Variants in NRXN3 observed in about 807,000 individuals in gnomAD.
The protein encoded by NRXN3 is neurexin III.
In NRXN3, 32 loss-of-function variants were observed where a neutral mutation model predicts 137.6. The observed-to-expected ratio is 0.23, with a 90% CI of 0.18 to 0.31. The LOEUF (loss-of-function observed/expected upper bound fraction) is 0.31, where lower values mean the gene tolerates loss of function less well. Ranked by LOEUF, NRXN3 falls within the 10% of genes least tolerant of loss-of-function variation. The probability of loss-of-function intolerance (pLI) is 1.00; values close to 1 mark genes in which losing one functional copy is unlikely to be tolerated. For synonymous variants in NRXN3, 798 were observed against 784.5 expected (o/e 1.02, Z -0.29); for missense variants, 1,574 against 2,062.5 (o/e 0.76, Z 4.59).
intron 1 of NRXN3, among the ~76,000 whole-genome samples, chr14:78,206,207 T>G (rs1324343685): frequency 6.6e-6 from 1 of 152,198 alleles, no homozygotes; most frequent in Non-Finnish European, 1.5e-5. Context: ...TGGAGGAGTT[T>G]CTCTATGTAC....
intron 6 of NRXN3, among the ~76,000 whole-genome samples, chr14:78,696,897 C>T (rs2098231493): frequency 6.6e-6 from 1 of 152,072 alleles, no homozygotes; most frequent in Non-Finnish European, 1.5e-5. Flanking sequence ...CCACTGTCAC[C>T]ATCACCCACA....
intron 4 of NRXN3, among the ~76,000 whole-genome samples, chr14:78,383,283 T>A (rs959054003): frequency 6.6e-6 from 1 of 152,138 alleles, no homozygotes; most frequent in Non-Finnish European, 1.5e-5. Flanking sequence ...CCTCTGGCCA[T>A]GCTCATTTCG....
At chr14:79,173,331 A>G (rs1193866789) in intron 15 of NRXN3, among the ~76,000 whole-genome samples, 1 of 151,914 alleles carries the variant, frequency 6.6e-6, no homozygotes, top group Non-Finnish European at 1.5e-5. Flanking sequence ...GGAGTTGGAG[A>G]CCAGCCTGGG....
intron 1 of NRXN3, among the ~76,000 whole-genome samples, chr14:78,192,545 T>A (rs1018193554): frequency 6.6e-5 from 10 of 151,762 alleles, no homozygotes; most frequent in African/African-American, 2.4e-4. Context: ...GGAGATGGAG[T>A]AGGGGTAGCA....
At chr14:78,317,742 A>G (rs1202539059) in intron 4 of NRXN3, among the ~76,000 whole-genome samples, 3 of 152,210 alleles carry the variant, frequency 2.0e-5, no homozygotes. Flanking sequence ...ACTGGGACTC[A>G]GTTAAGTTGA....
intron 20 of NRXN3, among the ~76,000 whole-genome samples, chr14:79,840,206 G>A (rs367679708): frequency 6.6e-6 from 1 of 152,108 alleles, no homozygotes; most frequent in East Asian, 1.9e-4. Context: ...GGTAAAAAGA[G>A]CAAACATAAT....
At chr14:79,717,208 C>T (rs1412625015) in intron 19 of NRXN3, among the ~76,000 whole-genome samples, 1 of 152,168 alleles carries the variant, frequency 6.6e-6, no homozygotes, top group Non-Finnish European at 1.5e-5. Flanking sequence ...CTCTTAGCTG[C>T]AATCTCTTCC....
chr14:79,396,368 C>T (rs1435916122), intron 15 of NRXN3, among the ~76,000 whole-genome samples: 1 of 151,748 alleles, frequency 6.6e-6, no homozygotes, highest in Non-Finnish European at 1.5e-5. Flanking sequence ...CAAATATATG[C>T]TTTATAGAGC....
At chr14:78,876,303 G>C (rs2099113696) in intron 10 of NRXN3, among the ~76,000 whole-genome samples, 1 of 152,162 alleles carries the variant, frequency 6.6e-6, no homozygotes, top group Non-Finnish European at 1.5e-5. Context: ...TAACTTGAAA[G>C]CTAAATGTCA....
chr14:78,234,170 T>C (rs950597095), intron 1 of NRXN3, among the ~76,000 whole-genome samples: 11 of 152,220 alleles, frequency 7.2e-5, no homozygotes, highest in African/African-American at 2.7e-4. Context: ...TCTCCAGCCA[T>C]GAGTCCATTA....
At chr14:79,332,269 G>A (rs915845222) in intron 15 of NRXN3, among the ~76,000 whole-genome samples, 1 of 152,130 alleles carries the variant, frequency 6.6e-6, no homozygotes, top group African/African-American at 2.4e-5. Context: ...GTAATGAAAG[G>A]CTTCTAACTG....
At position 78,613,391 on chromosome 14, in the gene NRXN3, A is replaced by G. The variant is rs145234087; in HGVS notation, c.758-31729A>G. 1.2e-3 allele frequency among the ~76,000 whole-genome samples: 180 copies of G among 152,278 alleles called. 5 individuals carry two copies. In the East Asian group the frequency reaches 0.028, roughly 24 times the overall value. On this transcript the variant is annotated intron_variant, in intron 4 of 20. Coordinates refer to ENST00000335750, the MANE Select transcript of NRXN3 (RefSeq NM_001330195.2). ...TAAAATTAGATTTTGTATTAAGAAG[A>G]CTGTTCAGAAATTATCCCCATTATC...
chr14:79,453,537 T>C (rs1298279315), intron 15 of NRXN3, among the ~76,000 whole-genome samples: 1 of 152,170 alleles, frequency 6.6e-6, no homozygotes, highest in Non-Finnish European at 1.5e-5. Context: ...GTCTTCCAAA[T>C]ACTAAATATT....
intron 4 of NRXN3, among the ~76,000 whole-genome samples, chr14:78,323,049 A>G (rs983531749): frequency 6.6e-6 from 1 of 152,050 alleles, no homozygotes; most frequent in South Asian, 2.1e-4. Context: ...GCTTGATGTT[A>G]TAGGAGAGGA....
chr14:78,544,868 G>C (rs747673958), intron 4 of NRXN3, among the ~76,000 whole-genome samples: 6 of 152,200 alleles, frequency 3.9e-5, no homozygotes, highest in Non-Finnish European at 8.8e-5. Flanking sequence ...CATGGGTAGA[G>C]GTGGCAACAG....
intron 15 of NRXN3, among the ~76,000 whole-genome samples, chr14:79,261,574 G>A (rs1217625394): frequency 7.4e-6 from 1 of 135,810 alleles, no homozygotes; most frequent in Non-Finnish European, 1.5e-5. Context: ...TGGTGAGTGA[G>A]ATGAAATCCC....
At chr14:78,423,947 A>T (rs913642609) in intron 4 of NRXN3, among the ~76,000 whole-genome samples, 1 of 152,070 alleles carries the variant, frequency 6.6e-6, no homozygotes, top group Non-Finnish European at 1.5e-5. Context: ...GTCTGCAAAA[A>T]CTCCAGGCTA....
chr14:78,952,755 T>C (rs550169184), intron 10 of NRXN3, among the ~76,000 whole-genome samples: 3 of 152,300 alleles, frequency 2.0e-5, no homozygotes, highest in African/African-American at 7.2e-5. Context: ...GAAACATAGT[T>C]TGAAGGGAAA....
Position 79,413,883 on chromosome 14 carries a change from C to CAAAAAAA in NRXN3, c.3263-53322_3263-53316dup, listed in dbSNP as rs372803175. On this transcript the variant is annotated intron_variant, in intron 15 of 20. Coordinates refer to ENST00000335750, the MANE Select transcript of NRXN3 (RefSeq NM_001330195.2). ...GCTGACCCAGGAACCATGTGGTTCT[C>CAAAAAAA]AAAAAAAAAAAAAAAAAAAAAAGCT... Among the ~76,000 whole-genome samples the CAAAAAAA allele has an allele frequency of 1.7e-4, 13 of 76,314 alleles. 1 individual carries two copies. The East Asian group carries it at 2.6e-3, about 15-fold the overall frequency. 50.1% of individuals were successfully genotyped at this position (76,314 alleles called of 152,430 possible).
Sources: allele counts gnomAD v4.1 joint callset (sites outside exome capture counted in the v4.1 genomes callset), GRCh38; gene constraint gnomAD v4.1.1; transcripts MANE v1.5; gene names NCBI Gene and HGNC (gene_info 2026-07-23, HGNC 2026-07-21).